HBZ: variants seen among roughly 807,000 people sequenced by gnomAD.
HBZ encodes hemoglobin zeta chain.
In HBZ, 2 loss-of-function variants were observed where a neutral mutation model predicts 5.8. That is an observed-to-expected ratio of 0.34 (90% CI 0.14 to 1.09). HBZ has a LOEUF of 1.09. HBZ is among the 50% of genes least tolerant of loss of function. The pLI is 0.42. For synonymous variants in HBZ, 39 were observed against 47.4 expected, an observed-to-expected ratio of 0.82 and a Z score of 0.73; for missense variants, 47 against 97.8, an observed-to-expected ratio of 0.48 and a Z score of 2.19.
At chr16:153,089 G>C (rs59913683) in intron 1 of HBZ, 85 bp downstream of exon 1, 52 of 485,540 alleles carry the variant, frequency 1.1e-4, no homozygotes, top group Non-Finnish European at 1.0e-4. Flanking sequence ...CGGTGGGGAG[G>C]GGACAGTGGG....
chr16:153,079 C>T (rs1379451612), intron 1 of HBZ, 75 bp downstream of exon 1: 224 of 152,752 alleles, frequency 1.5e-3, no homozygotes, highest in African/African-American at 8.5e-3. Context: ...GGGGAGGGGG[C>T]GGTGGGGAGG....
At position 152,837 on chromosome 16, in the gene HBZ, C is replaced by T. The variant is rs1901637037; in HGVS notation, c.-73C>T. ...GCCCAGCTCCCTGTATATAAGGGGA[C>T]CCTGGGGGCTGAGCACTACCAAGGC... On this transcript the variant is annotated 5_prime_UTR_variant, in exon 1 of 3. Coordinates refer to ENST00000252951, the MANE Select transcript of HBZ (RefSeq NM_005332.3). 3.8e-6 allele frequency: 6 copies of T among 1,598,836 alleles called. No individual in the cohort carries two copies. The highest frequency in any genetic ancestry group is 5.1e-6 in the Non-Finnish European group (6 of 1,174,056).
At position 152,645 on chromosome 16, in the gene HBZ, G is replaced by C; in HGVS notation, c.-265G>C. 1.8e-6 allele frequency: 1 copy of C among 543,306 alleles called. No homozygotes were observed. Among genetic ancestry groups the C allele is most frequent in the Non-Finnish European group, 3.2e-6 (1 of 311,424 alleles). The allele number at this position is 543,306 out of a possible 1,614,324, so 33.7% of individuals were successfully genotyped here. On this transcript the variant is annotated 5_prime_UTR_variant, in exon 1 of 3. Coordinates refer to ENST00000252951, the MANE Select transcript of HBZ (RefSeq NM_005332.3). ...CTATCTCTCCTAGACTCTGTGGTCA[G>C]ACTCTGGCCAACACCCCCTGTAAGG...
rs1901636630 is a variant in HBZ at position 152,820 on chromosome 16, C to T, written c.-90C>T. The T allele has an allele frequency of 1.5e-5, 23 of 1,574,218 alleles. No individual in the cohort carries two copies. The highest frequency in any genetic ancestry group is 2.0e-5 in the Non-Finnish European group (23 of 1,160,234). ...GGCCACAGCCTGGCTGGGCCCAGCT[C>T]CCTGTATATAAGGGGACCCTGGGGG... On this transcript the variant is annotated 5_prime_UTR_variant, in exon 1 of 3. Transcript: ENST00000252951.
Position 152,904 on chromosome 16 carries a change from G to T in HBZ, c.-6G>T. ...CAACTCCAGTGCAGCTGCCCACCCTGCCGCCATGTCTCTGACCAAGACTGA... is the reference window on the plus strand; with the variant it reads ...CAACTCCAGTGCAGCTGCCCACCCTTCCGCCATGTCTCTGACCAAGACTGA... On this transcript the variant is annotated 5_prime_UTR_variant, in exon 1 of 3. Coordinates refer to ENST00000252951, the MANE Select transcript of HBZ (RefSeq NM_005332.3). 1 of 1,612,334 alleles carries T rather than the reference G, an allele frequency of 6.2e-7. No individual in the cohort carries two copies. Among genetic ancestry groups the T allele is most frequent in the Non-Finnish European group, 8.5e-7 (1 of 1,179,566 alleles).
chr16:154,184 A>AGGGGCGGGGGTCGCGGGGC (rs1596559275), intron 2 of HBZ, 88 bp downstream of exon 2: 1 of 12,848 alleles, frequency 7.8e-5, no homozygotes, highest in East Asian at 3.8e-3. Context: ...AGGGGCGGGG[A>AGGGGCGGGGGTCGCGGGGC]GGGGCGGGGT....
chr16:153,273 C>G, intron 1 of HBZ, among the ~76,000 whole-genome samples: 1 of 151,246 alleles, frequency 6.6e-6, no homozygotes, highest in Non-Finnish European at 1.5e-5. Flanking sequence ...AAGGAGGGAA[C>G]GATTAGGAGT....
In HBZ at chr16:152,827, T is replaced by C. The variant is rs113180943; in HGVS notation, c.-83T>C. On this transcript the variant is annotated 5_prime_UTR_variant, in exon 1 of 3. Coordinates refer to ENST00000252951, the MANE Select transcript of HBZ (RefSeq NM_005332.3). ...GCCTGGCTGGGCCCAGCTCCCTGTA[T>C]ATAAGGGGACCCTGGGGGCTGAGCA... 6.3e-7 allele frequency: 1 copy of C among 1,587,740 alleles called. No individual in the cohort carries two copies. The highest frequency in any genetic ancestry group is 8.6e-7 in the Non-Finnish European group (1 of 1,168,350).
intron 1 of HBZ, 141 bp downstream of exon 1, chr16:153,145 A>ACTGTGGGGTGG: frequency 3.0e-6 from 1 of 335,838 alleles, no homozygotes; most frequent in Non-Finnish European, 5.5e-6. Flanking sequence ...CTGTGGGGAG[A>ACTGTGGGGTGG]GGACAGTGAG....
chr16:154,389 A>G lies in HBZ; in HGVS notation c.418A>G (p.Lys140Glu), dbSNP rs1901678823. The change falls in exon 3 of 3, where the codon AAG (lysine) becomes GAG (glutamate). Residue 140 changes from lysine to glutamate, a missense_variant. Physicochemically the swap from Lys to Glu is moderately conservative, Grantham distance 56. Around this residue, in one of 3 missense-constraint regions of HBZ, gnomAD observed 18 missense variants for 39.4 expected, o/e 0.46. Coordinates refer to ENST00000252951, the MANE Select transcript of HBZ (RefSeq NM_005332.3). ...GGTCGTATCCTCTGTCCTGACCGAG[A>G]AGTACCGCTGAGCGCCGCCTCCGGG... ...LSVVSSVLTE[K>E]YR The G allele has an allele frequency of 7.2e-6, 11 of 1,521,394 alleles. No individual in the cohort carries two copies. Among genetic ancestry groups the G allele is most frequent in the Non-Finnish European group, 9.8e-6 (11 of 1,127,904 alleles). The allele number at this position is 1,521,394 out of a possible 1,614,324, so 94.2% of individuals were successfully genotyped here.
At chr16:154,205 ATGC>A in intron 2 of HBZ, 64 bp from the exon 3 acceptor site, 1 of 14 alleles carries the variant, frequency 0.071, no homozygotes, top group African/African-American at 0.17. Context: ...CGCGGGGCGG[ATGC>A]GGGGGTCGCC....
chr16:152,889 G>A lies in HBZ; in HGVS notation c.-21G>A. ...AGTCCTGAGCAGGCCCAACTCCAGT[G>A]CAGCTGCCCACCCTGCCGCCATGTC... is the stretch of plus-strand genomic sequence containing the variant. On this transcript the variant is annotated 5_prime_UTR_variant, in exon 1 of 3. Coordinates refer to ENST00000252951, the MANE Select transcript of HBZ (RefSeq NM_005332.3). 1 of 1,611,834 alleles carries A rather than the reference G, an allele frequency of 6.2e-7. No homozygotes were observed.
Position 152,979 on chromosome 16 carries a change from A to G in HBZ, c.70A>G (p.Thr24Ala). Residue 24 changes from threonine (T) to alanine (A), a missense_variant, in exon 1 of 3, where the codon ACC becomes GCC. Thr to Ala is a moderately conservative substitution (Grantham distance 58, BLOSUM62 0). Coordinates refer to ENST00000252951, the MANE Select transcript of HBZ (RefSeq NM_005332.3). ...MWAKISTQAD[T>A]IGTETLERLF... ...GGCCAAGATCTCCACGCAGGCCGAC[A>G]CCATCGGCACCGAGACTCTGGAGAG... 6.2e-7 allele frequency: 1 copy of G among 1,609,726 alleles called. No homozygotes were observed. Among genetic ancestry groups the G allele is most frequent in the South Asian group, 1.1e-5 (1 of 90,980 alleles).
In HBZ at chr16:153,017, C is replaced by T. The variant is rs2685128; in HGVS notation, c.95+13C>T. ...AGACTCTGGAGAGGTGAGTGTCAGA[C>T]GGGACTGCCAGAGGGACTGGGTGGG... On this transcript the variant is annotated intron_variant, in intron 1 of 2. Transcript: ENST00000252951. The T allele has an allele frequency of 7.6e-3, 10,325 of 1,350,566 alleles. 541 individuals carry two copies. In the African/African-American group the frequency reaches 0.13, roughly 17 times the overall value. 83.7% of individuals were successfully genotyped at this position (1,350,566 alleles called of 1,614,324 possible). A position where few individuals can be genotyped will look rare whatever the true frequency, so the allele number is the denominator to read the frequency against.
Position 152,804 on chromosome 16 carries a change from C to G in HBZ, c.-106C>G, listed in dbSNP as rs2142006644. The G allele has an allele frequency of 1.3e-6, 2 of 1,537,686 alleles. No individual in the cohort carries two copies. The highest frequency in any genetic ancestry group is 4.7e-5 in the East Asian group (2 of 42,222). On this transcript the variant is annotated 5_prime_UTR_variant, in exon 1 of 3. Transcript: ENST00000252951. ...CCCTCACCTGACCAATGGCCACAGC[C>G]TGGCTGGGCCCAGCTCCCTGTATAT... is the stretch of plus-strand genomic sequence containing the variant.
In HBZ at chr16:154,183, G is replaced by C. The variant is rs1596559258; in HGVS notation, c.300+87G>C. ...GCGGGGCGGGGCGGGGAGGGGCGGG[G>C]AGGGGCGGGGTCGCGGGGCGGATGC... On this transcript the variant is annotated intron_variant, in intron 2 of 2. Transcript: ENST00000252951. 2 of 35,300 alleles carry C rather than the reference G, an allele frequency of 5.7e-5. 1 individual carries two copies. Among genetic ancestry groups the C allele is most frequent in the Non-Finnish European group, 6.6e-5 (2 of 30,262 alleles). 2.2% of individuals were successfully genotyped at this position (35,300 alleles called of 1,614,324 possible).
Position 153,110 on chromosome 16 carries a change from TGGAGA to T in HBZ, c.95+112_95+116del, listed in dbSNP as rs1307429138. The T allele has an allele frequency of 5.7e-5, 29 of 507,140 alleles. No individual in the cohort carries two copies. The African/African-American group carries it at 7.2e-4, about 13-fold the overall frequency. The allele number at this position is 507,140 out of a possible 1,614,324, so 31.4% of individuals were successfully genotyped here. On this transcript the variant is annotated intron_variant, in intron 1 of 2. Transcript: ENST00000252951. ...GGAGGGGACAGTGGGGAGGGGACCA[TGGAGA>T]GGAGACAGTGGGGAGGGCACTGTGG...
rs764421360 is a variant in HBZ at position 152,963 on chromosome 16, C to G, written c.54C>G (p.Ile18Met). 6.2e-7 allele frequency: 1 copy of G among 1,612,200 alleles called. No individual in the cohort carries two copies. Among genetic ancestry groups the G allele is most frequent in the African/African-American group, 1.3e-5 (1 of 74,868 alleles). ...TCATTGTGTCCATGTGGGCCAAGAT[C>G]TCCACGCAGGCCGACACCATCGGCA... Reference protein sequence around the residue: ...RTIIVSMWAKISTQADTIGTE... With the variant: ...RTIIVSMWAKMSTQADTIGTE... Residue 18 changes from isoleucine to methionine, a missense_variant, in exon 1 of 3, where the codon ATC (isoleucine) becomes ATG (methionine). Physicochemically the swap from Ile to Met is conservative, Grantham distance 10. Coordinates refer to ENST00000252951, the MANE Select transcript of HBZ (RefSeq NM_005332.3).
intron 2 of HBZ, 26 bp from the exon 3 acceptor site, chr16:154,246 C>T: frequency 3.7e-6 from 1 of 273,564 alleles, no homozygotes; most frequent in Non-Finnish European, 4.8e-6. Context: ...GGCCCCGCCC[C>T]CTCACTGAGC....
Sources: allele counts gnomAD v4.1 joint callset (sites outside exome capture counted in the v4.1 genomes callset), GRCh38; gene constraint gnomAD v4.1.1; regional missense constraint gnomAD v4.1.1; transcripts MANE v1.5; gene names NCBI Gene and HGNC (gene_info 2026-07-23, HGNC 2026-07-21).